The following LCORL variants were observed in gnomAD, a reference collection of about 807,000 sequenced individuals.
The protein encoded by LCORL is ligand dependent nuclear receptor corepressor like.
Under a neutral mutation model 141.8 loss-of-function variants are expected in LCORL, and 41 were observed. The observed-to-expected ratio is 0.29, with a 90% CI of 0.23 to 0.38. The LOEUF (loss-of-function observed/expected upper bound fraction) is 0.38. LCORL is among the 10% of genes least tolerant of loss of function. LCORL has a pLI of 1.00. For synonymous variants in LCORL, 618 were observed against 694.1 expected (o/e 0.89, Z 1.72); for missense variants, 1,759 against 2,035.0 (o/e 0.86, Z 2.61).
At chr4:18,015,512 C>T (rs1164364599) in intron 1 of LCORL, among the ~76,000 whole-genome samples, 1 of 152,100 alleles carries the variant, frequency 6.6e-6, no homozygotes, top group African/African-American at 2.4e-5. Context: ...CATCCAACTA[C>T]TCATCAGCAT....
intron 1 of LCORL, among the ~76,000 whole-genome samples, chr4:18,013,370 T>C (rs913526708): frequency 3.9e-5 from 6 of 152,340 alleles, no homozygotes; most frequent in African/African-American, 1.4e-4. Context: ...CTAAGTAATC[T>C]CATCTATTTC....
intron 4 of LCORL, among the ~76,000 whole-genome samples, chr4:17,932,306 T>C (rs1736178693): frequency 6.6e-6 from 1 of 152,170 alleles, no homozygotes; most frequent in Admixed American, 6.6e-5. Context: ...ATTTAAGTTT[T>C]ATTTTTCTCT....
rs553551537 is a variant in LCORL at position 17,849,861 on chromosome 4, C to T, written c.5603-3960G>A. ...CAAAAGAACAAAGCTGGAGGCATCA[C>T]GCTACCTGACTTCAAATTATACTGC... On this transcript the variant is annotated intron_variant, in intron 7 of 7. Transcript: ENST00000635767. Among the ~76,000 whole-genome samples the T allele has an allele frequency of 3.2e-3, 490 of 151,098 alleles. 3 individuals are homozygous for T. Among genetic ancestry groups the T allele is most frequent in the African/African-American group, 0.011 (464 of 41,118 alleles).
chr4:17,952,199 G>A (rs1412235607), intron 4 of LCORL, among the ~76,000 whole-genome samples: 2 of 151,994 alleles, frequency 1.3e-5, no homozygotes, highest in Admixed American at 6.6e-5. Context: ...ACAGCACAGG[G>A]AAGAAGCATT....
intron 7 of LCORL, among the ~76,000 whole-genome samples, chr4:17,861,203 T>C (rs186186088): frequency 0.021 from 3,245 of 152,354 alleles, 106 homozygotes; most frequent in African/African-American, 0.069. Context: ...ATGAGGGCCC[T>C]GCCCCTGCAG....
chr4:17,944,811 G>A, intron 4 of LCORL, among the ~76,000 whole-genome samples: 1 of 152,114 alleles, frequency 6.6e-6, no homozygotes, highest in East Asian at 1.9e-4. Flanking sequence ...TATTTGGGTT[G>A]CAATAATAAA....
chr4:17,954,237 G>A (rs1712104807), intron 4 of LCORL, among the ~76,000 whole-genome samples: 1 of 152,108 alleles, frequency 6.6e-6, no homozygotes, highest in African/African-American at 2.4e-5. Context: ...CAATAGGGTG[G>A]TGAGGGCAGT....
chr4:17,943,216 T>C (rs1738261949), intron 4 of LCORL, among the ~76,000 whole-genome samples: 2 of 152,154 alleles, frequency 1.3e-5, no homozygotes, highest in Admixed American at 6.5e-5. Context: ...CGTATCCTAC[T>C]GTAACAAGCA....
chr4:17,943,494 TA>T (rs1560381104), intron 4 of LCORL, among the ~76,000 whole-genome samples: 1 of 152,226 alleles, frequency 6.6e-6, no homozygotes, highest in Admixed American at 6.5e-5. Context: ...AAGGAATTAC[TA>T]GAGAAAAATG....
chr4:18,015,990 C>T (rs575514835), intron 1 of LCORL, among the ~76,000 whole-genome samples: 3 of 151,684 alleles, frequency 2.0e-5, no homozygotes, highest in Admixed American at 6.6e-5. Flanking sequence ...TAAGTGATAC[C>T]CTGTGATTCT....
In LCORL at chr4:17,884,525, G is replaced by A. The variant is rs867841298; in HGVS notation, c.776+1543C>T. ...ACAAGTTTCTTTACTGTCCTTATAT[G>A]AATAACTATCATGGAAATCTCGAGT... On this transcript the variant is annotated intron_variant, in intron 6 of 7. Coordinates refer to ENST00000635767, the Ensembl canonical transcript of LCORL. This position sits in a 1 kb window ranked among gnomAD's most constrained non-coding sequence, Gnocchi z 4.4. 1.3e-6 allele frequency: 2 copies of A among 1,537,900 alleles called. No homozygotes were observed. The highest frequency in any genetic ancestry group is 1.8e-6 in the Non-Finnish European group (2 of 1,142,578).
At chr4:17,957,218 A>T (rs1267787292) in intron 4 of LCORL, among the ~76,000 whole-genome samples, 4 of 152,040 alleles carry the variant, frequency 2.6e-5, no homozygotes. Context: ...TGTAGATGGA[A>T]TACTTTAATG....
At chr4:17,849,577 A>G (rs1723374328) in intron 7 of LCORL, among the ~76,000 whole-genome samples, 2 of 152,218 alleles carry the variant, frequency 1.3e-5, no homozygotes, top group Non-Finnish European at 2.9e-5. Context: ...AGATGGGGAA[A>G]AAACAGCAGA....
intron 5 of LCORL, among the ~76,000 whole-genome samples, chr4:17,900,973 T>A (rs978495413): frequency 4.0e-5 from 6 of 150,234 alleles, no homozygotes; most frequent in African/African-American, 1.5e-4. Flanking sequence ...TGTCACCTCA[T>A]CAAACTGCTT....
At chr4:17,877,430 T>C in exon 7 of LCORL, 11 of 1,229,894 alleles carry the variant, frequency 8.9e-6, no homozygotes, top group Non-Finnish European at 1.1e-5. Context: ...TTTCACCTTT[T>C]TCATGATTTG....
At chr4:17,951,223 C>T (rs754202614) in intron 4 of LCORL, among the ~76,000 whole-genome samples, 13 of 152,118 alleles carry the variant, frequency 8.5e-5, no homozygotes, top group Admixed American at 1.3e-4. Context: ...GTGCTATTGA[C>T]GATCATTAAT....
intron 7 of LCORL, among the ~76,000 whole-genome samples, chr4:17,862,099 C>T (rs1725079573): frequency 6.6e-6 from 1 of 152,186 alleles, no homozygotes. Flanking sequence ...TTTCAGGTAT[C>T]TTTTCAGCAG....
At chr4:17,998,518 G>A (rs1356634615) in intron 1 of LCORL, among the ~76,000 whole-genome samples, 2 of 151,842 alleles carry the variant, frequency 1.3e-5, no homozygotes, top group Non-Finnish European at 2.9e-5. Context: ...ACAGAGTAAG[G>A]ATCATCAATA....
chr4:17,937,277 C>A (rs1425703593), intron 4 of LCORL, among the ~76,000 whole-genome samples: 1 of 152,094 alleles, frequency 6.6e-6, no homozygotes, highest in Non-Finnish European at 1.5e-5. Context: ...AGATACAACT[C>A]AACGAAACAA....
Sources: gnomAD v4.1 joint callset for allele counts (sites outside exome capture counted in the v4.1 genomes callset) on GRCh38, gnomAD v4.1.1 for gene constraint, Gnocchi (gnomAD v3.1) non-coding constraint, MANE v1.5 for transcripts, NCBI Gene and HGNC (gene_info 2026-07-23, HGNC 2026-07-21) for gene names.